BNC2: variants seen among roughly 807,000 people sequenced by gnomAD.
BNC2 encodes the protein zinc finger protein basonuclin-2.
BNC2 carries 20 observed loss-of-function variants against 76.3 expected under a neutral mutation model. The observed-to-expected ratio is 0.26, with a 90% CI of 0.18 to 0.38. BNC2 has a LOEUF of 0.38. Ranked by LOEUF, BNC2 falls within the 10% of genes least tolerant of loss-of-function variation. BNC2 has a pLI of 1.00. For synonymous variants in BNC2, 582 were observed against 514.8 expected, an observed-to-expected ratio of 1.13 and a Z score of -1.77; for missense variants, 1,382 against 1,399.8, an observed-to-expected ratio of 0.99 and a Z score of 0.20.
At chr9:16,841,008 C>T (rs1275740111) in intron 1 of BNC2, among the ~76,000 whole-genome samples, 1 of 152,290 alleles carries the variant, frequency 6.6e-6, no homozygotes, top group Non-Finnish European at 1.5e-5. Flanking sequence ...TTAGTATTTT[C>T]GTTGTTCTTC....
At chr9:16,702,918 C>G (rs1823557340) in intron 3 of BNC2, among the ~76,000 whole-genome samples, 1 of 152,174 alleles carries the variant, frequency 6.6e-6, no homozygotes, top group African/African-American at 2.4e-5. Context: ...AAACAACACC[C>G]ATTTTTTCAC....
At chr9:16,445,411 G>A (rs567627746) in intron 5 of BNC2, among the ~76,000 whole-genome samples, 2 of 152,122 alleles carry the variant, frequency 1.3e-5, no homozygotes, top group South Asian at 4.2e-4. Context: ...AGGCCAGCTG[G>A]AACAACTGTA....
chr9:16,652,893 G>A (rs889935816), intron 3 of BNC2, among the ~76,000 whole-genome samples: 5 of 152,092 alleles, frequency 3.3e-5, no homozygotes, highest in Non-Finnish European at 7.4e-5. Context: ...CTGGCAAACC[G>A]AAGTCTTGAC....
chr9:16,665,434 A>AAAGGAAAGAAAAGAAAG (rs1440071746), intron 3 of BNC2, among the ~76,000 whole-genome samples: 1 of 116,098 alleles, frequency 8.6e-6, no homozygotes, highest in Non-Finnish European at 1.7e-5. Flanking sequence ...GAAAGGAAAG[A>AAAGGAAAGAAAAGAAAG]AAAGAAAGAA....
chr9:16,497,849 G>C (rs1286462414), intron 5 of BNC2, among the ~76,000 whole-genome samples: 1 of 151,990 alleles, frequency 6.6e-6, no homozygotes, highest in East Asian at 1.9e-4. Flanking sequence ...AACAGATAAA[G>C]AGACTTTAAG....
chr9:16,650,472 T>C (rs1168289269), intron 3 of BNC2, among the ~76,000 whole-genome samples: 1 of 152,174 alleles, frequency 6.6e-6, no homozygotes, highest in African/African-American at 2.4e-5. Context: ...CTCAAGGTAA[T>C]TCCCGTCTGA....
At chr9:16,706,795 G>A (rs1409046809) in intron 3 of BNC2, among the ~76,000 whole-genome samples, 1 of 152,170 alleles carries the variant, frequency 6.6e-6, no homozygotes, top group Non-Finnish European at 1.5e-5. Context: ...TACTTGACTG[G>A]GGGGAGGGGA....
At chr9:16,841,768 G>T (rs1586926635) in intron 1 of BNC2, among the ~76,000 whole-genome samples, 1 of 151,320 alleles carries the variant, frequency 6.6e-6, no homozygotes, top group East Asian at 1.9e-4. Flanking sequence ...CATTGCAAAA[G>T]ATGTATTTCC....
chr9:16,651,823 A>G (rs976858742), intron 3 of BNC2, among the ~76,000 whole-genome samples: 31 of 152,222 alleles, frequency 2.0e-4, no homozygotes, highest in Non-Finnish European at 4.4e-4. Context: ...CAAAAGCAAT[A>G]TAATTTCAGT....
At chr9:16,644,736 A>G (rs186876703) in intron 3 of BNC2, among the ~76,000 whole-genome samples, 1 of 152,234 alleles carries the variant, frequency 6.6e-6, no homozygotes, top group Non-Finnish European at 1.5e-5. Context: ...TAAGTAGCAC[A>G]TATCAAACAT....
intron 3 of BNC2, among the ~76,000 whole-genome samples, chr9:16,616,836 G>GAAGGAAGGAAGT (rs796264760): frequency 3.9e-4 from 59 of 150,306 alleles, no homozygotes; most frequent in Middle Eastern, 3.4e-3. Context: ...AGGAAGGAAG[G>GAAGGAAGGAAGT]AAGTTCTACT....
chr9:16,796,371 T>C (rs1041161951), intron 1 of BNC2, among the ~76,000 whole-genome samples: 4 of 152,198 alleles, frequency 2.6e-5, no homozygotes, highest in African/African-American at 9.7e-5. Context: ...AGCCCTGTGC[T>C]GACAGGACTA....
intron 5 of BNC2, 50 bp downstream of exon 5, chr9:16,552,480 C>T: frequency 3.3e-6 from 5 of 1,531,792 alleles, no homozygotes; most frequent in Non-Finnish European, 4.5e-6. Context: ...TCACCCTTCC[C>T]CACCCACAGT....
intron 5 of BNC2, among the ~76,000 whole-genome samples, chr9:16,449,778 C>G (rs80252125): frequency 8.3e-6 from 1 of 120,940 alleles, no homozygotes; most frequent in Non-Finnish European, 1.6e-5. Flanking sequence ...AGTGGAATCA[C>G]AACAATGGAA....
At chr9:16,658,962 G>A (rs775234827) in intron 3 of BNC2, among the ~76,000 whole-genome samples, 1 of 152,144 alleles carries the variant, frequency 6.6e-6, no homozygotes, top group Non-Finnish European at 1.5e-5. Flanking sequence ...ACATTACGCC[G>A]ATACACAAAC....
intron 5 of BNC2, among the ~76,000 whole-genome samples, chr9:16,548,556 C>T (rs1402912165): frequency 6.6e-6 from 1 of 152,116 alleles, no homozygotes; most frequent in Non-Finnish European, 1.5e-5. Context: ...CAGGCACATG[C>T]CACCATACCC....
At chr9:16,726,429 G>A (rs919530257) in intron 3 of BNC2, among the ~76,000 whole-genome samples, 1 of 151,510 alleles carries the variant, frequency 6.6e-6, no homozygotes, top group Non-Finnish European at 1.5e-5. Flanking sequence ...AGGTATTATC[G>A]CTTGCAAATG....
intron 3 of BNC2, among the ~76,000 whole-genome samples, chr9:16,649,649 T>C (rs1821737150): frequency 1.3e-5 from 2 of 152,212 alleles, no homozygotes; most frequent in Non-Finnish European, 2.9e-5. Context: ...TCTTTTAATC[T>C]TAAAATCTTA....
chr9:16,751,321 G>T (rs969374613), intron 1 of BNC2, among the ~76,000 whole-genome samples: 1 of 149,848 alleles, frequency 6.7e-6, no homozygotes, highest in African/African-American at 2.4e-5. Context: ...ATGAGTAAAT[G>T]TAAACTAAGG....
Sources: gnomAD v4.1 joint callset for allele counts (sites outside exome capture counted in the v4.1 genomes callset) on GRCh38, gnomAD v4.1.1 for gene constraint, MANE v1.5 for transcripts, NCBI Gene and HGNC (gene_info 2026-07-23, HGNC 2026-07-21) for gene names.